The following GSTA5 variants were observed in gnomAD, a reference collection of about 807,000 sequenced individuals.
The protein encoded by GSTA5 is glutathione S-transferase alpha 5, also known as glutathione S-transferase A5.
A neutral mutation model predicts 21.8 loss-of-function variants in GSTA5; 25 were observed. The observed-to-expected ratio is 1.14, with a 90% CI of 0.83 to 1.60. The LOEUF is 1.60. GSTA5 is among the 40% of genes most tolerant of loss of function. GSTA5 has a pLI of 0.00. For synonymous variants in GSTA5, 102 were observed against 89.5 expected (o/e 1.14, Z -0.78); for missense variants, 330 against 259.2 (o/e 1.27, Z -1.88).
chr6:52,840,961 G>A, upstream of GSTA5: 1 of 672,392 alleles, frequency 1.5e-6, no homozygotes, highest in East Asian at 2.9e-5. Flanking sequence ...TGGGTTGAAG[G>A]AGTTCCTGGA....
chr6:52,834,545 A>G (rs1764267089), intron 3 of GSTA5, among the ~76,000 whole-genome samples: 1 of 152,182 alleles, frequency 6.6e-6, no homozygotes, highest in Admixed American at 6.5e-5. Flanking sequence ...ACATGACCTA[A>G]TACAGGAAAA....
At position 52,836,219 on chromosome 6, in the gene GSTA5, C is replaced by T. The variant is rs757175033; in HGVS notation, c.272+17G>A. 8 of 1,611,242 alleles carry T rather than the reference C, an allele frequency of 5.0e-6. No individual in the cohort carries two copies. Among genetic ancestry groups the T allele is most frequent in the Non-Finnish European group, 6.8e-6 (8 of 1,179,138 alleles). Reference sequence around the variant, plus strand: ...TCTGTGTTCTCTGTGGATGGAAGAACAGAAAATATACCATACAGGGCTCTC... The same window carrying T: ...TCTGTGTTCTCTGTGGATGGAAGAATAGAAAATATACCATACAGGGCTCTC... On this transcript the variant is annotated intron_variant, in intron 3 of 5. Coordinates refer to ENST00000370989, the Ensembl canonical transcript of GSTA5.
At chr6:52,833,412 T>G (rs9370154) in intron 4 of GSTA5, among the ~76,000 whole-genome samples, 1 of 152,104 alleles carries the variant, frequency 6.6e-6, no homozygotes, top group Non-Finnish European at 1.5e-5. Context: ...TGACAACACT[T>G]TTCCCCTAGA....
chr6:52,840,541 A>T (rs1764357982), intron 1 of GSTA5, among the ~76,000 whole-genome samples, 186 bp downstream of exon 1: 1 of 152,216 alleles, frequency 6.6e-6, no homozygotes, highest in Admixed American at 6.5e-5. Flanking sequence ...TTTAATATGT[A>T]TGCTCTTAGA....
chr6:52,832,421 G>C lies in GSTA5; in HGVS notation c.546+438C>G, dbSNP rs1764230199. 2.6e-5 allele frequency among the ~76,000 whole-genome samples: 4 copies of C among 152,190 alleles called. No homozygotes were observed. In the South Asian group the frequency reaches 6.2e-4, roughly 24 times the overall value. ...TACAGTGTCAGGGGCAGAGTGCTGG[G>C]AGAGCTGTGCAGAGAGGACCACAAT... On this transcript the variant is annotated intron_variant, in intron 5 of 5. Transcript: ENST00000370989.
chr6:52,845,488 CTCTT>C (rs1409900176), upstream of GSTA5, among the ~76,000 whole-genome samples: 1 of 152,150 alleles, frequency 6.6e-6, no homozygotes, highest in African/African-American at 2.4e-5. Context: ...CAGTCAGAGC[CTCTT>C]TCTTAGCTAT....
the GSTA5 span, chr6:52,846,059 G>C: frequency 6.3e-6 from 1 of 157,620 alleles, no homozygotes; most frequent in East Asian, 1.6e-4. Flanking sequence ...TCAGTACTTA[G>C]TTTGTTAAAC....
chr6:52,831,741 G>A (rs1561925073), exon 6 of GSTA5: 7 of 1,320,208 alleles, frequency 5.3e-6, no homozygotes, highest in Non-Finnish European at 6.3e-6. Flanking sequence ...ATTGGAAAGA[G>A]TTTATTAGCT....
At chr6:52,833,610 A>T (rs1430099593) in intron 4 of GSTA5, among the ~76,000 whole-genome samples, 1 of 152,160 alleles carries the variant, frequency 6.6e-6, no homozygotes, top group African/African-American at 2.4e-5. Context: ...GACTGCACTG[A>T]TGTCTGCAAC....
At chr6:52,844,498 A>C (rs1764427614), upstream of GSTA5, among the ~76,000 whole-genome samples, 2 of 152,138 alleles carry the variant, frequency 1.3e-5, no homozygotes. Context: ...AAATGGGCTT[A>C]ATTTGAAAGG....
upstream of GSTA5, among the ~76,000 whole-genome samples, chr6:52,842,034 T>C (rs988782093): frequency 6.6e-6 from 1 of 152,178 alleles, no homozygotes; most frequent in South Asian, 2.1e-4. Context: ...GTATATTGTG[T>C]GTATGGATGT....
intron 4 of GSTA5, 75 bp downstream of exon 4, chr6:52,834,066 C>A: frequency 6.5e-7 from 1 of 1,541,182 alleles, no homozygotes; most frequent in South Asian, 1.1e-5. Context: ...GTCAGTGGCC[C>A]CAGGAATGCC....
chr6:52,845,187 T>C (rs1472282913), upstream of GSTA5, among the ~76,000 whole-genome samples: 2 of 152,156 alleles, frequency 1.3e-5, no homozygotes, highest in African/African-American at 2.4e-5. Context: ...TCAGTCCACC[T>C]GGATTAACAG....
At position 52,834,258 on chromosome 6, in the gene GSTA5, T is replaced by C. The variant is rs149166162; in HGVS notation, c.297A>G (p.Ile99Met). Residue 99 changes from isoleucine (I) to methionine (M), a missense_variant, in exon 4 of 6, where the codon ATA (isoleucine) becomes ATG (methionine). Coordinates refer to ENST00000370989, the Ensembl canonical transcript of GSTA5. ...GAAGGATCATTTCAGTCAAATCTACTATACCTTCTGTGTACATATCAATCC... is the reference window on the plus strand; with the variant it reads ...GAAGGATCATTTCAGTCAAATCTACCATACCTTCTGTGTACATATCAATCC... 8 of 1,613,876 alleles carry C rather than the reference T, an allele frequency of 5.0e-6. No homozygotes were observed. The African/African-American group carries it at 9.3e-5, about 19-fold the overall frequency.
chr6:52,840,497 GT>G (rs1308546680), intron 1 of GSTA5, among the ~76,000 whole-genome samples: 2 of 152,024 alleles, frequency 1.3e-5, no homozygotes, highest in Non-Finnish European at 2.9e-5. Flanking sequence ...ATCCACTTAA[GT>G]TCTACACTTT....
chr6:52,836,034 T>C (rs1447758684), intron 3 of GSTA5, among the ~76,000 whole-genome samples: 1 of 152,172 alleles, frequency 6.6e-6, no homozygotes, highest in African/African-American at 2.4e-5. Context: ...GCATCCTCTT[T>C]TAGAATCACC....
At chr6:52,841,078 A>G (rs746934210), upstream of GSTA5, among the ~76,000 whole-genome samples, 1 of 152,198 alleles carries the variant, frequency 6.6e-6, no homozygotes, top group African/African-American at 2.4e-5. Context: ...AGGTGAGAGT[A>G]TGTGGTAATA....
chr6:52,834,542 C>T (rs4518492), intron 3 of GSTA5, among the ~76,000 whole-genome samples: 1 of 152,100 alleles, frequency 6.6e-6, no homozygotes, highest in African/African-American at 2.4e-5. Flanking sequence ...CACACATGAC[C>T]TAATACAGGA....
Position 52,831,942 on chromosome 6 carries a change from G to A in GSTA5, c.575C>T (p.Pro192Leu). 1.9e-6 allele frequency: 3 copies of A among 1,613,558 alleles called. No individual in the cohort carries two copies. Among genetic ancestry groups the A allele is most frequent in the Non-Finnish European group, 2.5e-6 (3 of 1,179,890 alleles). The change falls in exon 6 of 6, where the codon CCC (proline) becomes CTC (leucine). Residue 192 changes from proline (P) to leucine (L), a missense_variant. Transcript: ENST00000370989. ...AGGCTGCAGAAACTTCTTCACCGTGGGCAGGTTGCTGATTCTGGTTTTCAG... is the reference window on the plus strand; with the variant it reads ...AGGCTGCAGAAACTTCTTCACCGTGAGCAGGTTGCTGATTCTGGTTTTCAG...
Sources: gnomAD v4.1 joint callset for allele counts (sites outside exome capture counted in the v4.1 genomes callset) on GRCh38, gnomAD v4.1.1 for gene constraint, MANE v1.5 for transcripts, NCBI Gene and HGNC (gene_info 2026-07-23, HGNC 2026-07-21) for gene names.